Variants in CTNNA1 observed in about 807,000 individuals in gnomAD.
CTNNA1 encodes catenin alpha 1.
In CTNNA1, 37 loss-of-function variants were observed where a neutral mutation model predicts 98.4. That is an observed-to-expected ratio of 0.38 (90% CI 0.29 to 0.49). The LOEUF (loss-of-function observed/expected upper bound fraction) is 0.49, where lower values mean the gene tolerates loss of function less well. Ranked by LOEUF, CTNNA1 falls within the 20% of genes least tolerant of loss-of-function variation. The pLI, the probability that CTNNA1 is intolerant of heterozygous loss-of-function variation, is 0.95. For synonymous variants in CTNNA1, 404 were observed against 413.2 expected, an observed-to-expected ratio of 0.98 and a Z score of 0.27; for missense variants, 761 against 1,147.2, an observed-to-expected ratio of 0.66 and a Z score of 4.86.
chr5:138,892,384 GGC>G (rs1375670448), intron 9 of CTNNA1, among the ~76,000 whole-genome samples: 3 of 122,830 alleles, frequency 2.4e-5, no homozygotes, highest in Non-Finnish European at 4.7e-5. Context: ...CTGTCGCCCA[GGC>G]TGGAGTGCAG....
In CTNNA1 at chr5:138,874,880, T is replaced by C; in HGVS notation, c.1063-11332T>C. ...TAAAAGCGTGATTCCTTGTTGAATG[T>C]ACAAGACATATAAATGCACAGACTT... On this transcript the variant is annotated intron_variant, in intron 7 of 17. Coordinates refer to ENST00000302763, the MANE Select transcript of CTNNA1 (RefSeq NM_001903.5). The surrounding 1 kb of genome is among the most constrained non-coding windows in gnomAD (Gnocchi z 4.1). The C allele has an allele frequency of 1.2e-6, 2 of 1,602,874 alleles. No individual in the cohort carries two copies. The highest frequency in any genetic ancestry group is 1.7e-6 in the Non-Finnish European group (2 of 1,172,448).
At chr5:138,852,867 G>GCGCA (rs112117709) in intron 7 of CTNNA1, among the ~76,000 whole-genome samples, 15 of 28,854 alleles carry the variant, frequency 5.2e-4, no homozygotes, top group Admixed American at 8.9e-4. Context: ...TTTCGCGCGC[G>GCGCA]CGCGCACACA....
At chr5:138,850,412 A>G (rs1763084228) in intron 7 of CTNNA1, among the ~76,000 whole-genome samples, 1 of 152,250 alleles carries the variant, frequency 6.6e-6, no homozygotes, top group Non-Finnish European at 1.5e-5. Context: ...CAACCAAGTC[A>G]GATCGAGTGG....
At chr5:138,902,272 A>AT (rs1758206162) in intron 9 of CTNNA1, among the ~76,000 whole-genome samples, 1 of 152,024 alleles carries the variant, frequency 6.6e-6, no homozygotes, top group African/African-American at 2.4e-5. Flanking sequence ...TAATTTAAAT[A>AT]TTTTTCTGAG....
intron 10 of CTNNA1, among the ~76,000 whole-genome samples, chr5:138,907,182 C>T (rs1381694498): frequency 2.6e-5 from 4 of 152,138 alleles, no homozygotes; most frequent in African/African-American, 9.7e-5. Context: ...CCACCATGCC[C>T]AGCTAATTTT....
chr5:138,884,894 C>A (rs2150014791), intron 7 of CTNNA1, among the ~76,000 whole-genome samples: 1 of 152,184 alleles, frequency 6.6e-6, no homozygotes, highest in South Asian at 2.1e-4. Context: ...TTTGTTGAGA[C>A]CTCTCCTCCC....
At chr5:138,932,740 C>A in intron 17 of CTNNA1, 28 bp downstream of exon 17, 1 of 1,612,888 alleles carries the variant, frequency 6.2e-7, no homozygotes, top group Non-Finnish European at 8.5e-7. Flanking sequence ...AAAAAGAGGG[C>A]CAGTGGGAAC....
chr5:138,889,611 C>T (rs924250602), intron 9 of CTNNA1, among the ~76,000 whole-genome samples: 2 of 151,968 alleles, frequency 1.3e-5, no homozygotes, highest in Admixed American at 1.3e-4. Flanking sequence ...TAATTCTGAA[C>T]ACTACTAACC....
chr5:138,757,819 G>T (rs543640183), intron 1 of CTNNA1, among the ~76,000 whole-genome samples: 9 of 152,252 alleles, frequency 5.9e-5, no homozygotes, highest in African/African-American at 2.2e-4. Context: ...TCTGCCTGGA[G>T]TCTAGCTTGT....
intron 1 of CTNNA1, among the ~76,000 whole-genome samples, chr5:138,761,710 G>C (rs1262905935): frequency 6.6e-6 from 1 of 152,058 alleles, no homozygotes; most frequent in Non-Finnish European, 1.5e-5. Context: ...TACCTTCTCT[G>C]CCCAAATCAT....
intron 3 of CTNNA1, among the ~76,000 whole-genome samples, chr5:138,788,938 T>C (rs1427168747): frequency 2.0e-5 from 3 of 152,210 alleles, no homozygotes; most frequent in Non-Finnish European, 4.4e-5. Flanking sequence ...CTCATGGGCA[T>C]TTCTGGGTCA....
chr5:138,924,485 A>G, intron 11 of CTNNA1, 25 bp from the exon 12 acceptor site: 2 of 1,613,000 alleles, frequency 1.2e-6, no homozygotes, highest in Non-Finnish European at 1.7e-6. Context: ...CTCCTTCCTC[A>G]TTCAACTTTT....
rs548809536 is a variant in CTNNA1 at position 138,894,166 on chromosome 5, G to A, written c.1296+6524G>A. Among the ~76,000 whole-genome samples, 220 of 151,636 alleles carry A rather than the reference G, an allele frequency of 1.5e-3. 1 individual carries two copies. Among genetic ancestry groups the A allele is most frequent in the Non-Finnish European group, 2.7e-3 (183 of 67,886 alleles). ...ACTCCTGACCTCAGGTGATCCACCC[G>A]CCTCAGCCTCCCAAAGTGCTAGGAT... On this transcript the variant is annotated intron_variant, in intron 9 of 17. Coordinates refer to ENST00000302763, the MANE Select transcript of CTNNA1 (RefSeq NM_001903.5).
chr5:138,788,661 C>T (rs1755987254), intron 3 of CTNNA1, among the ~76,000 whole-genome samples: 1 of 152,072 alleles, frequency 6.6e-6, no homozygotes, highest in Non-Finnish European at 1.5e-5. Context: ...TTTATGAATC[C>T]TTGAATAGGG....
At chr5:138,928,334 C>T (rs951984590) in intron 13 of CTNNA1, among the ~76,000 whole-genome samples, 1 of 152,160 alleles carries the variant, frequency 6.6e-6, no homozygotes, top group Non-Finnish European at 1.5e-5. Context: ...AGAGCTAGGA[C>T]CAGTAATCAG....
chr5:138,798,190 G>A (rs1406161998), intron 3 of CTNNA1, among the ~76,000 whole-genome samples: 1 of 152,154 alleles, frequency 6.6e-6, no homozygotes, highest in Non-Finnish European at 1.5e-5. Flanking sequence ...ATAGAAGGGG[G>A]CACAGAAGTA....
intron 10 of CTNNA1, 30 bp from the exon 11 acceptor site, chr5:138,917,712 G>C: frequency 6.2e-7 from 1 of 1,609,390 alleles, no homozygotes; most frequent in Non-Finnish European, 8.5e-7. Context: ...CTGAAAAAGA[G>C]TAAACAGTGA....
intron 16 of CTNNA1, chr5:138,931,199 G>C (rs1464648112): frequency 4.6e-6 from 2 of 431,768 alleles, no homozygotes; most frequent in Non-Finnish European, 8.6e-6. Context: ...CTCTGGGCAG[G>C]GGCCGAGAGC....
chr5:138,855,791 C>T (rs1485663264), intron 7 of CTNNA1, among the ~76,000 whole-genome samples: 1 of 152,318 alleles, frequency 6.6e-6, no homozygotes, highest in African/African-American at 2.4e-5. Flanking sequence ...TAGAATTTTA[C>T]TGTCTGGGAT....
Sources: allele counts gnomAD v4.1 joint callset (sites outside exome capture counted in the v4.1 genomes callset), GRCh38; gene constraint gnomAD v4.1.1; non-coding constraint Gnocchi (gnomAD v3.1); transcripts MANE v1.5; gene names NCBI Gene and HGNC (gene_info 2026-07-23, HGNC 2026-07-21).